CAPN9: variants seen among roughly 807,000 people sequenced by gnomAD.
The protein encoded by CAPN9 is calpain-9.
A neutral mutation model predicts 92.8 loss-of-function variants in CAPN9; 81 were observed. That is an observed-to-expected ratio of 0.87 (90% CI 0.73 to 1.05). The LOEUF is 1.05. Ranked by LOEUF, CAPN9 falls within the 50% of genes least tolerant of loss-of-function variation. The pLI is 0.00. For synonymous variants in CAPN9, 304 were observed against 328.0 expected, an observed-to-expected ratio of 0.93 and a Z score of 0.79; for missense variants, 848 against 866.2, an observed-to-expected ratio of 0.98 and a Z score of 0.26.
intron 11 of CAPN9, among the ~76,000 whole-genome samples, chr1:230,783,021 A>T (rs1460456235): frequency 6.6e-6 from 1 of 152,150 alleles, no homozygotes; most frequent in Non-Finnish European, 1.5e-5. Flanking sequence ...CGTCTAAAAA[A>T]AATGGTGGTT....
At chr1:230,786,045 A>G (rs765982998) in intron 12 of CAPN9, 28 bp downstream of exon 12, 7 of 1,612,512 alleles carry the variant, frequency 4.3e-6, no homozygotes, top group Non-Finnish European at 5.9e-6. Flanking sequence ...GCTATGGAGT[A>G]TGGGATTCAG....
At chr1:230,765,212 G>GACACACACAC (rs56286310) in intron 4 of CAPN9, among the ~76,000 whole-genome samples, 3,349 of 132,064 alleles carry the variant, frequency 0.025, 89 homozygotes, top group African/African-American at 0.054. Flanking sequence ...ACACATGCAA[G>GACACACACAC]ACACACACAC....
intron 4 of CAPN9, among the ~76,000 whole-genome samples, chr1:230,764,890 T>C (rs1428571759): frequency 1.3e-5 from 2 of 152,186 alleles, no homozygotes; most frequent in Non-Finnish European, 2.9e-5. Flanking sequence ...TATGTAGAGA[T>C]ACATGGATCT....
intron 16 of CAPN9, 83 bp from the exon 17 acceptor site, chr1:230,792,767 G>A (rs1219526213): frequency 2.6e-5 from 31 of 1,184,464 alleles, no homozygotes; most frequent in South Asian, 6.3e-5. Context: ...TAGCTCCCCC[G>A]GGCTGGCTGT....
intron 1 of CAPN9, among the ~76,000 whole-genome samples, chr1:230,751,647 GAAAGAAAGAAAGAAAGAAAGAAAGAA>G (rs773166763): frequency 0.078 from 8,136 of 103,976 alleles, 608 homozygotes; most frequent in African/African-American, 0.12. Context: ...AAGAAAGAAA[GAAAGAAAGAAAGAAAGAAAGAAAGAA>G]AGAAAGAAAG....
At position 230,762,804 on chromosome 1, in the gene CAPN9, CAGCTCAGG is replaced by C. The variant is rs774101504; in HGVS notation, c.536+19_536+26del. ...TACGCCAAGTGAGTGACAGCTTCCC[CAGCTCAGG>C]CAGCCTCCCGACAGGAGTCTCTACA... On this transcript the variant is annotated intron_variant, in intron 4 of 19. Transcript: ENST00000271971. 2 of 1,611,486 alleles carry C rather than the reference CAGCTCAGG, an allele frequency of 1.2e-6. No individual in the cohort carries two copies. The highest frequency in any genetic ancestry group is 1.7e-6 in the Non-Finnish European group (2 of 1,178,704).
At chr1:230,757,796 G>A (rs912172355) in intron 2 of CAPN9, among the ~76,000 whole-genome samples, 1 of 151,946 alleles carries the variant, frequency 6.6e-6, no homozygotes, top group Non-Finnish European at 1.5e-5. Flanking sequence ...GGGGGTAGGG[G>A]TGGAGCTGGG....
At chr1:230,780,095 T>C (rs1667104747) in intron 9 of CAPN9, 84 bp from the exon 10 acceptor site, 6 of 817,358 alleles carry the variant, frequency 7.3e-6, no homozygotes, top group Non-Finnish European at 7.8e-6. Context: ...TGTGTGTGTG[T>C]GTGTGTGTGT....
chr1:230,788,529 C>G lies in CAPN9; in HGVS notation c.1599+927C>G, dbSNP rs60178860. ...TATTAGCTTCATGTGTTTCCCCAAACTGGGGTTCCTGAATTATGAAAGGGG... is the reference window on the plus strand; with the variant it reads ...TATTAGCTTCATGTGTTTCCCCAAAGTGGGGTTCCTGAATTATGAAAGGGG... On this transcript the variant is annotated intron_variant, in intron 13 of 19. Coordinates refer to ENST00000271971, the MANE Select transcript of CAPN9 (RefSeq NM_006615.3). 7.0e-3 allele frequency among the ~76,000 whole-genome samples: 1,063 copies of G among 152,274 alleles called. 16 individuals carry two copies. The highest frequency in any genetic ancestry group is 0.024 in the African/African-American group (981 of 41,540).
At chr1:230,790,058 C>A (rs1667873953) in intron 13 of CAPN9, 74 bp from the exon 14 acceptor site, 4 of 1,322,440 alleles carry the variant, frequency 3.0e-6, no homozygotes, top group Non-Finnish European at 4.3e-6. Flanking sequence ...AAGCTCAGAA[C>A]TGATTTAAAA....
chr1:230,747,671 G>GCTCTC lies in CAPN9; in HGVS notation c.175_176insCTCTC (p.Glu59AlafsTer18). ...CAGCAATTCCTCCCTGTTCTACAGTGAGAGGCCGCAGATCCCCTTTGTGTG... is the reference window on the plus strand; with the variant it reads ...CAGCAATTCCTCCCTGTTCTACAGTGCTCTCAGAGGCCGCAGATCCCCTTTGTGTG... On this transcript the variant is annotated frameshift_variant, in exon 1 of 20. Coordinates refer to ENST00000271971, the MANE Select transcript of CAPN9 (RefSeq NM_006615.3). LOFTEE classifies it high-confidence loss of function. 1 of 1,614,066 alleles carries GCTCTC rather than the reference G, an allele frequency of 6.2e-7. No individual in the cohort carries two copies. Among genetic ancestry groups the GCTCTC allele is most frequent in the East Asian group, 2.2e-5 (1 of 44,886 alleles).
At chr1:230,759,661 C>T (rs1237943174) in intron 3 of CAPN9, 31 bp downstream of exon 3, 2 of 1,459,712 alleles carry the variant, frequency 1.4e-6, no homozygotes, top group Middle Eastern at 2.3e-4. Flanking sequence ...AGTGGGTTTA[C>T]CTCTCTGGGG....
intron 1 of CAPN9, among the ~76,000 whole-genome samples, chr1:230,751,662 AGAAAGAAAGAAAGAAAGAAAGAAG>A (rs1330668440): frequency 1.5e-4 from 8 of 54,572 alleles, no homozygotes; most frequent in Non-Finnish European, 3.0e-4. Context: ...AAAGAAAGAA[AGAAAGAAAGAAAGAAAGAAAGAAG>A]GGTGGCTTTT....
intron 19 of CAPN9, among the ~76,000 whole-genome samples, chr1:230,800,310 A>AGAACG (rs1239697877): frequency 2.6e-5 from 2 of 77,260 alleles, no homozygotes; most frequent in African/African-American, 5.6e-5. Context: ...AAGAAAGGAA[A>AGAACG]AACAAGAGAG....
chr1:230,781,313 C>A (rs779308100), intron 11 of CAPN9, among the ~76,000 whole-genome samples: 4 of 152,150 alleles, frequency 2.6e-5, no homozygotes, highest in Admixed American at 6.5e-5. Context: ...TGGGTGGAGA[C>A]CTTCATTTTT....
Position 230,767,676 on chromosome 1 carries a change from G to A in CAPN9, c.672G>A (p.Leu224=), listed in dbSNP as rs1279022553. ...TCTATGAGATTCTAGAGAAGGCTTT[G>A]AAGAGAGGCTCCCTGCTGGGCTGCT... ...ENFYEILEKA[L]KRGSLLGCFI... Residue 224 remains leucine (L), a synonymous_variant, in exon 5 of 20, where the codon TTG becomes TTA. Transcript: ENST00000271971. 1.2e-6 allele frequency: 2 copies of A among 1,613,574 alleles called. No individual in the cohort carries two copies. The highest frequency in any genetic ancestry group is 3.3e-5 in the Admixed American group (2 of 59,948).
At chr1:230,766,281 A>G (rs1665980836) in intron 4 of CAPN9, among the ~76,000 whole-genome samples, 1 of 152,112 alleles carries the variant, frequency 6.6e-6, no homozygotes, top group Non-Finnish European at 1.5e-5. Flanking sequence ...TTTTTAAAAA[A>G]TGTTTCATTT....
At chr1:230,794,693 C>T (rs374795534) in intron 17 of CAPN9, among the ~76,000 whole-genome samples, 39 of 152,180 alleles carry the variant, frequency 2.6e-4, no homozygotes, top group Non-Finnish European at 4.7e-4. Flanking sequence ...TATCATTCTC[C>T]GTGGGCAGCA....
At chr1:230,774,530 A>G in intron 7 of CAPN9, 24 bp from the exon 8 acceptor site, 1 of 1,564,154 alleles carries the variant, frequency 6.4e-7, no homozygotes, top group Non-Finnish European at 8.8e-7. Context: ...CCTCTGCCTG[A>G]ACACCAATTT....
Sources: allele counts gnomAD v4.1 joint callset (sites outside exome capture counted in the v4.1 genomes callset), GRCh38; gene constraint gnomAD v4.1.1; transcripts MANE v1.5; gene names NCBI Gene and HGNC (gene_info 2026-07-23, HGNC 2026-07-21).